The following PDHX variants were observed in gnomAD, a reference collection of about 807,000 sequenced individuals.
PDHX encodes the protein pyruvate dehydrogenase complex component X, also known as pyruvate dehydrogenase protein X component, mitochondrial.
In PDHX, 33 loss-of-function variants were observed where a neutral mutation model predicts 55.3. The observed-to-expected ratio is 0.60, with a 90% confidence interval of 0.45 to 0.80. The LOEUF (loss-of-function observed/expected upper bound fraction) is 0.80, where lower values mean the gene tolerates loss of function less well. PDHX is among the 30% of genes least tolerant of loss of function. PDHX has a pLI of 0.00. For synonymous variants in PDHX, 226 were observed against 219.4 expected, an observed-to-expected ratio of 1.03 and a Z score of -0.27; for missense variants, 622 against 619.9, an observed-to-expected ratio of 1.00 and a Z score of -0.04.
chr11:34,989,596 TC>T (rs1210918256), intron 9 of PDHX, among the ~76,000 whole-genome samples: 2 of 152,174 alleles, frequency 1.3e-5, no homozygotes, highest in Non-Finnish European at 2.9e-5. Flanking sequence ...AGCTCTGGAT[TC>T]TCACTAAGAG....
chr11:34,916,004 C>T (rs1853672703), upstream of PDHX: 1 of 605,730 alleles, frequency 1.7e-6, no homozygotes, highest in Non-Finnish European at 2.8e-6. Flanking sequence ...GCGCCCAGCT[C>T]CCGCCATCGG....
intron 1 of PDHX, among the ~76,000 whole-genome samples, chr11:34,922,955 C>A (rs889776692): frequency 4.0e-5 from 6 of 151,384 alleles, no homozygotes; most frequent in Non-Finnish European, 8.8e-5. Context: ...GCTCTTCTCC[C>A]AAGATGGCAA....
intron 3 of PDHX, among the ~76,000 whole-genome samples, chr11:34,949,751 G>A (rs1854711372): frequency 6.6e-6 from 1 of 152,074 alleles, no homozygotes; most frequent in African/African-American, 2.4e-5. Context: ...TATATAATTT[G>A]GCACACCAAT....
At chr11:34,936,645 T>C (rs1195658444) in intron 2 of PDHX, among the ~76,000 whole-genome samples, 3 of 152,088 alleles carry the variant, frequency 2.0e-5, no homozygotes, top group Non-Finnish European at 4.4e-5. Context: ...GGGGACATAA[T>C]GGCTGTAAGA....
chr11:34,962,823 G>A (rs188728508), intron 5 of PDHX, among the ~76,000 whole-genome samples: 46 of 152,094 alleles, frequency 3.0e-4, no homozygotes, highest in East Asian at 1.7e-3. Context: ...TATATGATGC[G>A]CAAATATCTT....
At chr11:34,940,060 A>C (rs977037253) in intron 2 of PDHX, among the ~76,000 whole-genome samples, 1 of 152,198 alleles carries the variant, frequency 6.6e-6, no homozygotes, top group Non-Finnish European at 1.5e-5. Context: ...AAGGAAAAAA[A>C]ATTCTTGTTC....
rs996155512 is a variant in PDHX at position 34,995,528 on chromosome 11, A to T, written c.*356A>T. ...GAGAATGTATGATACATGTAAAATT[A>T]AAAAAACTATTAGAACTGTACCATA... On this transcript the variant is annotated 3_prime_UTR_variant, in exon 11 of 11. Transcript: ENST00000227868. 13 of 316,974 alleles carry T rather than the reference A, an allele frequency of 4.1e-5. No individual in the cohort carries two copies. Among genetic ancestry groups the T allele is most frequent in the African/African-American group, 1.8e-4 (8 of 45,692 alleles). 19.6% of individuals were successfully genotyped at this position (316,974 alleles called of 1,614,324 possible).
intron 10 of PDHX, 147 bp downstream of exon 10, chr11:34,992,526 T>A: frequency 1.7e-6 from 1 of 587,562 alleles, no homozygotes; most frequent in Non-Finnish European, 3.0e-6. Flanking sequence ...TCTGAAAAAA[T>A]TCTTCAGACT....
rs56817336 is a variant in PDHX, at chr11:34,933,979, T to C, written c.241+2495T>C. On this transcript the variant is annotated intron_variant, in intron 2 of 10. Transcript: ENST00000227868. ...TAGAGGGTGCTAAGAAATTAACTCA[T>C]TTTGAAAACGTAATAAATGGAAAGA... is the stretch of plus-strand genomic sequence containing the variant. Among the ~76,000 whole-genome samples, 1,474 of 152,314 alleles carry C rather than the reference T, an allele frequency of 9.7e-3. 23 individuals are homozygous for C. Among genetic ancestry groups the C allele is most frequent in the African/African-American group, 0.034 (1,404 of 41,572 alleles).
intron 3 of PDHX, among the ~76,000 whole-genome samples, chr11:34,953,198 A>C (rs1472789921): frequency 6.6e-6 from 1 of 152,234 alleles, no homozygotes; most frequent in Non-Finnish European, 1.5e-5. Flanking sequence ...AAGAGGATAC[A>C]AACAAATGGA....
chr11:34,966,564 C>T lies in PDHX; in HGVS notation c.642-76C>T, dbSNP rs542635716. The T allele has an allele frequency of 6.4e-5, 85 of 1,338,454 alleles. 1 individual carries two copies. In the East Asian group the frequency reaches 1.9e-3, roughly 30 times the overall value. The allele number at this position is 1,338,454 out of a possible 1,614,324, so 82.9% of individuals were successfully genotyped here. ...ATATTTCTGTATCTTTTCTCCACATCTCACCTGCGTTTTCTGAAAGTTCTG... is the reference window on the plus strand; with the variant it reads ...ATATTTCTGTATCTTTTCTCCACATTTCACCTGCGTTTTCTGAAAGTTCTG... On this transcript the variant is annotated intron_variant, in intron 5 of 10. Transcript: ENST00000227868.
At chr11:34,946,383 CTAAA>C (rs1184624956) in intron 2 of PDHX, among the ~76,000 whole-genome samples, 1 of 152,014 alleles carries the variant, frequency 6.6e-6, no homozygotes, top group Admixed American at 6.5e-5. Flanking sequence ...ACAGATTGCA[CTAAA>C]TAAATTGCTT....
intron 8 of PDHX, among the ~76,000 whole-genome samples, chr11:34,980,521 C>T (rs1855487791): frequency 1.3e-5 from 2 of 151,266 alleles, no homozygotes; most frequent in African/African-American, 4.9e-5. Flanking sequence ...AATTTATTTG[C>T]CATATATTCT....
At chr11:34,972,952 A>AT (rs1855287809) in intron 7 of PDHX, among the ~76,000 whole-genome samples, 1 of 152,062 alleles carries the variant, frequency 6.6e-6, no homozygotes, top group African/African-American at 2.4e-5. Flanking sequence ...CTTGAAAAGA[A>AT]TTTTTTTATT....
intron 8 of PDHX, among the ~76,000 whole-genome samples, chr11:34,981,931 T>A (rs545156242): frequency 3.9e-5 from 6 of 152,274 alleles, no homozygotes; most frequent in South Asian, 4.1e-4. Context: ...ATTGCAAAAA[T>A]GTTTTCCCAT....
At chr11:34,957,741 A>G (rs1854938472) in intron 4 of PDHX, among the ~76,000 whole-genome samples, 158 bp downstream of exon 4, 1 of 151,256 alleles carries the variant, frequency 6.6e-6, no homozygotes, top group Non-Finnish European at 1.5e-5. Flanking sequence ...TTTTTTTTTT[A>G]ACCATCATTG....
chr11:34,921,437 A>G (rs1467577643), intron 1 of PDHX, among the ~76,000 whole-genome samples: 3 of 58,864 alleles, frequency 5.1e-5, no homozygotes, highest in Non-Finnish European at 7.7e-5. Context: ...AATTCCTTGA[A>G]TAGAGAAACT....
chr11:34,932,568 T>A (rs1854204240), intron 2 of PDHX, among the ~76,000 whole-genome samples: 1 of 152,130 alleles, frequency 6.6e-6, no homozygotes, highest in African/African-American at 2.4e-5. Flanking sequence ...ACTTAAAAAG[T>A]TCGACAAGCT....
chr11:34,971,063 C>T (rs1855247814), intron 7 of PDHX, among the ~76,000 whole-genome samples: 1 of 151,998 alleles, frequency 6.6e-6, no homozygotes, highest in Non-Finnish European at 1.5e-5. Context: ...GTCAATATTT[C>T]ATTAAGTTTA....
Sources: allele counts gnomAD v4.1 joint callset (sites outside exome capture counted in the v4.1 genomes callset), GRCh38; gene constraint gnomAD v4.1.1; transcripts MANE v1.5; gene names NCBI Gene and HGNC (gene_info 2026-07-23, HGNC 2026-07-21).